Variants in ZNF568 observed in about 807,000 individuals in gnomAD.
ZNF568 encodes the protein p53 inhibitor of SCO2 activation.
A neutral mutation model predicts 18.1 loss-of-function variants in ZNF568; 11 were observed. The observed-to-expected ratio is 0.61, with a 90% confidence interval of 0.38 to 1.00. ZNF568 has a LOEUF of 1.00. ZNF568 is among the 50% of genes least tolerant of loss of function. ZNF568 has a pLI of 0.01. For synonymous variants in ZNF568, 213 were observed against 246.6 expected (o/e 0.86, Z 1.28); for missense variants, 639 against 768.2 (o/e 0.83, Z 1.99).
intron 2 of ZNF568, chr19:36,991,078 G>A: frequency 7.6e-7 from 1 of 1,320,186 alleles, no homozygotes; most frequent in Non-Finnish European, 1.0e-6. Flanking sequence ...TTTCCTAATG[G>A]AACTTCCCTA....
intron 4 of ZNF568, chr19:36,996,186 C>A: frequency 1.3e-6 from 1 of 786,860 alleles, no homozygotes; most frequent in South Asian, 2.0e-5. Context: ...TTTTCACTTC[C>A]CTTTTTTTTT....
At chr19:36,959,911 T>C (rs1483564809) in intron 6 of ZNF568, among the ~76,000 whole-genome samples, 1 of 152,032 alleles carries the variant, frequency 6.6e-6, no homozygotes, top group Non-Finnish European at 1.5e-5. Flanking sequence ...GTCTAGCTAG[T>C]GGTTTATCAA....
At chr19:36,927,884 A>G (rs1600774840) in intron 4 of ZNF568, among the ~76,000 whole-genome samples, 3 of 53,008 alleles carry the variant, frequency 5.7e-5, no homozygotes, top group African/African-American at 2.9e-4. Flanking sequence ...ATATATATAT[A>G]TATTATATAT....
At chr19:36,918,343 G>A (rs961296332) in intron 2 of ZNF568, among the ~76,000 whole-genome samples, 1 of 152,132 alleles carries the variant, frequency 6.6e-6, no homozygotes, top group Admixed American at 6.5e-5. Flanking sequence ...ACCCCCCATG[G>A]ATACCAGAAT....
chr19:36,983,592 G>T (rs1056115900), downstream of ZNF568, among the ~76,000 whole-genome samples: 2 of 152,166 alleles, frequency 1.3e-5, no homozygotes, highest in African/African-American at 4.8e-5. Context: ...GCAGCCATTA[G>T]ATCAAGCTTA....
At chr19:36,991,247 G>C in exon 3 of ZNF568, 1 of 1,536,268 alleles carries the variant, frequency 6.5e-7, no homozygotes, top group South Asian at 1.2e-5. Context: ...CTGCTCAGAA[G>C]GATTTGTACC....
intron 6 of ZNF568, chr19:36,974,366 T>C: frequency 6.6e-7 from 1 of 1,504,776 alleles, no homozygotes; most frequent in Non-Finnish European, 8.9e-7. Context: ...TCCCAAGGGG[T>C]TCAGGGAGGG....
rs1568384418 is a variant in ZNF568 at position 36,933,906 on chromosome 19, TTTTTGTTTTGTTTTTTTG to T, written c.136-2835_136-2818del. On this transcript the variant is annotated intron_variant, in intron 4 of 6. Coordinates refer to ENST00000333987, the MANE Select transcript of ZNF568 (RefSeq NM_198539.4). Reference sequence around the variant, plus strand: ...AGTTTTTCTTTTGGGTAGGTTTTTTTTTTTGTTTTGTTTTTTTGTTTTTTTTTTTTTTTTTTAGTAATT... The same window carrying T: ...AGTTTTTCTTTTGGGTAGGTTTTTTTTTTTTTTTTTTTTTTTTTAGTAATT... 1.6e-3 allele frequency among the ~76,000 whole-genome samples: 55 copies of T among 35,394 alleles called. 11 individuals are homozygous for T. Among genetic ancestry groups the T allele is most frequent in the African/African-American group, 2.6e-3 (18 of 6,904 alleles). 23.2% of individuals were successfully genotyped at this position (35,394 alleles called of 152,430 possible). A position where few individuals can be genotyped will look rare whatever the true frequency, so the allele number is the denominator to read the frequency against.
chr19:36,978,507 T>C (rs1199612023), intron 7 of ZNF568, among the ~76,000 whole-genome samples: 1 of 152,194 alleles, frequency 6.6e-6, no homozygotes, highest in Admixed American at 6.5e-5. Context: ...TTTCTGCTTG[T>C]TGGAATTCTG....
Position 36,996,517 on chromosome 19 carries a change from C to T in ZNF568, c.430C>T (p.Gln144Ter). The change falls in exon 5 of 5, where the codon CAG (glutamine) becomes TAG (stop). Residue 144 changes from glutamine (Q) to a stop codon, truncating the protein, a stop_gained. Coordinates refer to the ZNF568 transcript ENST00000433993. LOFTEE classifies it low-confidence loss of function (END_TRUNC). ...GCAGTGCACAGCCCATAGAGAATAT[C>T]AGTGGCTTCATACTGGAGAGAAATC... 1 of 1,536,230 alleles carries T rather than the reference C, an allele frequency of 6.5e-7. No individual in the cohort carries two copies. The highest frequency in any genetic ancestry group is 1.2e-5 in the South Asian group (1 of 84,056).
At chr19:36,935,299 C>CAG (rs886763559) in intron 4 of ZNF568, among the ~76,000 whole-genome samples, 6 of 152,028 alleles carry the variant, frequency 3.9e-5, no homozygotes, top group African/African-American at 1.4e-4. Context: ...CGGGGGCTCA[C>CAG]GTCTGTAATC....
chr19:36,944,970 A>G lies in ZNF568; in HGVS notation c.359-4542A>G, dbSNP rs530012459. ...TGATTATGACCCTCATTTGATAAGT[A>G]GGCTTGTTTCCAATTTTTTTCTATT... is the stretch of plus-strand genomic sequence containing the variant. On this transcript the variant is annotated intron_variant, in intron 6 of 6. Coordinates refer to ENST00000333987, the MANE Select transcript of ZNF568 (RefSeq NM_198539.4). Among the ~76,000 whole-genome samples, 71 of 152,200 alleles carry G rather than the reference A, an allele frequency of 4.7e-4. 4 individuals carry two copies. The South Asian group carries it at 0.013, about 28-fold the overall frequency.
At chr19:36,960,110 CTTTTT>C (rs34588591) in intron 6 of ZNF568, among the ~76,000 whole-genome samples, 6 of 87,678 alleles carry the variant, frequency 6.8e-5, no homozygotes, top group East Asian at 2.9e-4. Flanking sequence ...AATTGTTCTA[CTTTTT>C]TTTTTTTTTT....
chr19:36,964,197 C>T (rs1052315201), intron 6 of ZNF568, among the ~76,000 whole-genome samples: 2 of 151,040 alleles, frequency 1.3e-5, no homozygotes, highest in South Asian at 2.1e-4. Flanking sequence ...TGCTTATGAA[C>T]GTTTGTGAAA....
At chr19:36,960,876 G>T (rs569026926) in intron 6 of ZNF568, among the ~76,000 whole-genome samples, 9 of 151,852 alleles carry the variant, frequency 5.9e-5, no homozygotes, top group African/African-American at 1.9e-4. Context: ...TTCCGTTGTG[G>T]TCTAAGATAC....
chr19:36,997,697 AT>A (rs1326229793), downstream of ZNF568: 2 of 930,940 alleles, frequency 2.1e-6, no homozygotes, highest in Admixed American at 4.1e-5. Flanking sequence ...CAAAGAATTC[AT>A]TCAGGACAGA....
At position 36,950,036 on chromosome 19, in the gene ZNF568, A is replaced by G; in HGVS notation, c.883A>G (p.Arg295Gly). ...KAFIQMSNLIRHHRIHTGEKP... is the reference protein window; with the variant it reads ...KAFIQMSNLIGHHRIHTGEKP... ...TTTCATTCAGATGTCAAACCTTATT[A>G]GACACCACAGAATTCATACTGGGGA... The change falls in exon 7 of 7, where the codon AGA becomes GGA. Residue 295 changes from arginine to glycine, a missense_variant. Physicochemically the swap from Arg to Gly is moderately radical, Grantham distance 125. Transcript: ENST00000333987. 1.9e-6 allele frequency: 3 copies of G among 1,613,816 alleles called. No individual in the cohort carries two copies. The South Asian group carries it at 3.3e-5, about 18-fold the overall frequency.
At chr19:36,973,266 G>T (rs982866083) in intron 6 of ZNF568, 1 of 152,810 alleles carries the variant, frequency 6.5e-6, no homozygotes, top group African/African-American at 2.4e-5. Context: ...GCTGGGTTGG[G>T]ATGGACTCGT....
intron 4 of ZNF568, among the ~76,000 whole-genome samples, chr19:36,995,634 T>G (rs1231435690): frequency 6.6e-6 from 1 of 152,218 alleles, no homozygotes; most frequent in African/African-American, 2.4e-5. Context: ...TACTACCTTC[T>G]GTTATATTAC....
Sources: allele counts gnomAD v4.1 joint callset (sites outside exome capture counted in the v4.1 genomes callset), GRCh38; gene constraint gnomAD v4.1.1; transcripts MANE v1.5; gene names NCBI Gene and HGNC (gene_info 2026-07-23, HGNC 2026-07-21).